The following CLDN18 variants were observed in gnomAD, a reference collection of about 807,000 sequenced individuals.
CLDN18 encodes claudin 18.
A neutral mutation model predicts 25.0 loss-of-function variants in CLDN18; 20 were observed. The observed-to-expected ratio is 0.80, with a 90% CI of 0.56 to 1.16. The LOEUF is 1.16. Ranked by LOEUF, CLDN18 falls within the 50% of genes most tolerant of loss-of-function variation. The pLI is 0.00. For synonymous variants in CLDN18, 125 were observed against 135.6 expected, an observed-to-expected ratio of 0.92 and a Z score of 0.54; for missense variants, 297 against 345.4, an observed-to-expected ratio of 0.86 and a Z score of 1.11.
At chr3:138,013,057 A>C (rs1320612237) in intron 1 of CLDN18, among the ~76,000 whole-genome samples, 1 of 152,234 alleles carries the variant, frequency 6.6e-6, no homozygotes. Flanking sequence ...CGCCTGGTAG[A>C]GTGAGTATTT....
intron 1 of CLDN18, among the ~76,000 whole-genome samples, chr3:138,003,563 A>C (rs1189755936): frequency 6.6e-6 from 1 of 152,228 alleles, no homozygotes; most frequent in Admixed American, 6.5e-5. Flanking sequence ...AGATACGTTA[A>C]ACGCTTAAGA....
At chr3:138,030,036 G>A (rs1362620885) in intron 4 of CLDN18, 129 bp downstream of exon 4, 11 of 655,524 alleles carry the variant, frequency 1.7e-5, no homozygotes, top group South Asian at 3.7e-5. Context: ...AAGGATTATC[G>A]AAGCTTCTCT....
At chr3:138,020,129 T>G (rs1171385092) in intron 1 of CLDN18, among the ~76,000 whole-genome samples, 2 of 152,180 alleles carry the variant, frequency 1.3e-5, no homozygotes, top group Non-Finnish European at 2.9e-5. Flanking sequence ...ACCATGCAGG[T>G]GCAGGGGAAG....
chr3:138,004,676 A>G (rs941105496), intron 1 of CLDN18: 8 of 152,006 alleles, frequency 5.3e-5, no homozygotes, highest in African/African-American at 1.7e-4. Flanking sequence ...TATTTAGTTA[A>G]TGTTGCAGAA....
chr3:138,003,832 A>T (rs1576405220), intron 1 of CLDN18, among the ~76,000 whole-genome samples: 3 of 152,296 alleles, frequency 2.0e-5, no homozygotes, highest in East Asian at 1.9e-4. Flanking sequence ...AAAATTTTTT[A>T]AAGAAATTAA....
At chr3:138,001,121 C>T (rs1942011176) in intron 1 of CLDN18, among the ~76,000 whole-genome samples, 1 of 152,236 alleles carries the variant, frequency 6.6e-6, no homozygotes, top group African/African-American at 2.4e-5. Flanking sequence ...AAAACTGATT[C>T]TGAGTAACTT....
In CLDN18 at chr3:138,004,240, C is replaced by G. The variant is rs529064428; in HGVS notation, c.220+5152C>G. Among the ~76,000 whole-genome samples the G allele has an allele frequency of 2.0e-5, 3 of 152,254 alleles. No individual in the cohort carries two copies. The East Asian group carries it at 5.8e-4, about 29-fold the overall frequency. On this transcript the variant is annotated intron_variant, in intron 1 of 4. Transcript: ENST00000343735. ...TATGAAGTAAGTAGTAGTATTATCT[C>G]CATTTTATAGGTGAGGAAACAGGCA...
intron 1 of CLDN18, among the ~76,000 whole-genome samples, chr3:138,000,024 T>C (rs1941999033): frequency 6.6e-6 from 1 of 152,154 alleles, no homozygotes; most frequent in Non-Finnish European, 1.5e-5. Context: ...ATGGAAAATA[T>C]GGGGCTTTCT....
upstream of CLDN18, among the ~76,000 whole-genome samples, chr3:138,007,915 A>G (rs1256174089): frequency 6.6e-6 from 1 of 152,204 alleles, no homozygotes; most frequent in Non-Finnish European, 1.5e-5. Flanking sequence ...ACACACTGCC[A>G]TCAACATTCC....
chr3:138,014,140 C>A (rs542454052), intron 1 of CLDN18, among the ~76,000 whole-genome samples: 1 of 152,008 alleles, frequency 6.6e-6, no homozygotes, highest in South Asian at 2.1e-4. Flanking sequence ...ATGCTAGGTA[C>A]TTTTATTCCG....
At chr3:138,002,619 T>G (rs529126834) in intron 1 of CLDN18, among the ~76,000 whole-genome samples, 1 of 152,264 alleles carries the variant, frequency 6.6e-6, no homozygotes, top group Admixed American at 6.5e-5. Context: ...TCCATTGAAA[T>G]GAAAGTATGG....
upstream of CLDN18, chr3:138,010,025 G>A (rs17282579): frequency 0.43 from 382,665 of 897,048 alleles, 86,597 homozygotes; most frequent in Middle Eastern, 0.54. Context: ...TCTTGGGCCC[G>A]CTTCTCTAAC....
chr3:138,006,312 T>C (rs1230978749), upstream of CLDN18, among the ~76,000 whole-genome samples: 1 of 152,248 alleles, frequency 6.6e-6, no homozygotes, highest in African/African-American at 2.4e-5. Flanking sequence ...TTGTTATTTA[T>C]GCCACCATTT....
At chr3:138,007,086 AT>A, upstream of CLDN18, among the ~76,000 whole-genome samples, 1 of 152,274 alleles carries the variant, frequency 6.6e-6, no homozygotes, top group East Asian at 1.9e-4. Flanking sequence ...ATGTATATGT[AT>A]TGTCGGGGGA....
chr3:138,005,316 T>C (rs1013120778), upstream of CLDN18, among the ~76,000 whole-genome samples: 4 of 152,172 alleles, frequency 2.6e-5, no homozygotes, highest in African/African-American at 9.7e-5. Context: ...TAGGTATACA[T>C]GTGCCATAGT....
chr3:138,026,080 C>A (rs1253108212), intron 3 of CLDN18, among the ~76,000 whole-genome samples: 2 of 152,156 alleles, frequency 1.3e-5, no homozygotes, highest in African/African-American at 4.8e-5. Flanking sequence ...TCATTTTCTC[C>A]ACCCAGAAGT....
At chr3:138,016,139 A>G (rs1391134510) in intron 1 of CLDN18, among the ~76,000 whole-genome samples, 1 of 152,206 alleles carries the variant, frequency 6.6e-6, no homozygotes, top group African/African-American at 2.4e-5. Flanking sequence ...TCAGGAAAAT[A>G]TGTATTAGCT....
At chr3:138,009,806 C>T (rs144915337), upstream of CLDN18, among the ~76,000 whole-genome samples, 7 of 152,286 alleles carry the variant, frequency 4.6e-5, no homozygotes, top group African/African-American at 1.7e-4. Context: ...GGGTGCTTCC[C>T]AGGGGCCATC....
rs749380019 is a variant in CLDN18, at chr3:138,023,651, C to T, written c.221-7C>T. ...TGTCTGCTTGTGTCTTGCCCCTTGT[C>T]CCACAGCCATGCTGCAGGCAGTGCG... On this transcript the variant is annotated splice_polypyrimidine_tract_variant and splice_region_variant and intron_variant, in intron 1 of 4. Transcript: ENST00000183605. The T allele has an allele frequency of 7.4e-6, 12 of 1,612,668 alleles. No individual in the cohort carries two copies. The African/African-American group carries it at 1.1e-4, about 14-fold the overall frequency.
Sources: allele counts gnomAD v4.1 joint callset (sites outside exome capture counted in the v4.1 genomes callset), GRCh38; gene constraint gnomAD v4.1.1; transcripts MANE v1.5; gene names NCBI Gene and HGNC (gene_info 2026-07-23, HGNC 2026-07-21).